PRKAR2B: variants seen among roughly 807,000 people sequenced by gnomAD.
The protein encoded by PRKAR2B is cAMP-dependent protein kinase type II-beta regulatory subunit.
A neutral mutation model predicts 49.9 loss-of-function variants in PRKAR2B; 14 were observed. The observed-to-expected ratio is 0.28, with a 90% confidence interval of 0.19 to 0.44. The LOEUF is 0.44. Ranked by LOEUF, PRKAR2B falls within the 20% of genes least tolerant of loss-of-function variation. PRKAR2B has a pLI of 1.00. For missense variants in PRKAR2B, 393 were observed against 537.9 expected (o/e 0.73, Z 2.67); for synonymous variants, 196 against 197.7 (o/e 0.99, Z 0.07).
At chr7:107,100,190 G>T (rs1794932289) in intron 2 of PRKAR2B, among the ~76,000 whole-genome samples, 1 of 151,966 alleles carries the variant, frequency 6.6e-6, no homozygotes, top group Non-Finnish European at 1.5e-5. Context: ...GCATTTGCTA[G>T]CTGCAAATAC....
At chr7:107,077,880 T>C (rs1028982845) in intron 2 of PRKAR2B, 8 of 152,192 alleles carry the variant, frequency 5.3e-5, no homozygotes, top group African/African-American at 1.9e-4. Context: ...ATGATTGTTG[T>C]AATGAAACAG....
At chr7:107,134,115 G>T (rs753083718) in intron 4 of PRKAR2B, among the ~76,000 whole-genome samples, 1 of 151,864 alleles carries the variant, frequency 6.6e-6, no homozygotes, top group African/African-American at 2.4e-5. Context: ...TGCAACCTCC[G>T]CCTCCTGGGT....
intron 1 of PRKAR2B, among the ~76,000 whole-genome samples, chr7:107,049,057 T>A (rs1793754380): frequency 6.6e-6 from 1 of 152,182 alleles, no homozygotes; most frequent in East Asian, 1.9e-4. Flanking sequence ...TTAGAAGGTT[T>A]ACGGTAGGCT....
rs962735703 is a variant in PRKAR2B, at chr7:107,109,047, C to A, written c.344-12905C>A. On this transcript the variant is annotated intron_variant, in intron 2 of 10. Transcript: ENST00000265717. ...CTATATTTATACCCACTTTTAATTA[C>A]ATGCTAAATAAGGGGTGAGTTATTC... Among the ~76,000 whole-genome samples the A allele has an allele frequency of 7.8e-4, 118 of 152,142 alleles. 1 individual carries two copies. Among genetic ancestry groups the A allele is most frequent in the African/African-American group, 2.7e-3 (113 of 41,412 alleles).
At chr7:107,073,978 C>T (rs985064838) in intron 2 of PRKAR2B, among the ~76,000 whole-genome samples, 6 of 152,096 alleles carry the variant, frequency 3.9e-5, no homozygotes, top group Non-Finnish European at 7.3e-5. Context: ...AGGAGATTCA[C>T]TTGAACCCTG....
intron 3 of PRKAR2B, among the ~76,000 whole-genome samples, chr7:107,127,170 C>T (rs546799428): frequency 1.3e-5 from 2 of 152,318 alleles, no homozygotes; most frequent in South Asian, 4.1e-4. Context: ...AACTCCACTG[C>T]TGCCTGATTC....
chr7:107,107,840 T>C (rs1026786644), intron 2 of PRKAR2B, among the ~76,000 whole-genome samples: 5 of 152,130 alleles, frequency 3.3e-5, no homozygotes, highest in African/African-American at 1.2e-4. Context: ...GTATTCTTAG[T>C]AGAGACGGGG....
intron 1 of PRKAR2B, among the ~76,000 whole-genome samples, chr7:107,059,696 A>G (rs909919688): frequency 6.7e-6 from 1 of 149,558 alleles, no homozygotes; most frequent in African/African-American, 2.5e-5. Context: ...GCTGTAGTGA[A>G]TGTGTGTGTG....
At chr7:107,076,202 C>T (rs1041581449) in intron 2 of PRKAR2B, among the ~76,000 whole-genome samples, 3 of 152,048 alleles carry the variant, frequency 2.0e-5, no homozygotes, top group Admixed American at 6.6e-5. Flanking sequence ...AATACTTCAG[C>T]CTGTATCTCC....
chr7:107,044,799 C>A lies in PRKAR2B; in HGVS notation c.-109C>A. On this transcript the variant is annotated 5_prime_UTR_variant, in exon 1 of 11. Transcript: ENST00000265717. ...GGGGCCCAGTGCGCCGCGCTCGCAGCCGGTAGCGCGCCAGCGCCGTAGGCG... is the reference window on the plus strand; with the variant it reads ...GGGGCCCAGTGCGCCGCGCTCGCAGACGGTAGCGCGCCAGCGCCGTAGGCG... The A allele has an allele frequency of 1.2e-6, 1 of 842,054 alleles. No homozygotes were observed. Among genetic ancestry groups the A allele is most frequent in the Non-Finnish European group, 1.5e-6 (1 of 653,892 alleles). The allele number at this position is 842,054 out of a possible 1,614,324, so 52.2% of individuals were successfully genotyped here.
intron 8 of PRKAR2B, among the ~76,000 whole-genome samples, chr7:107,156,155 T>C (rs930659049): frequency 6.6e-6 from 1 of 152,066 alleles, no homozygotes; most frequent in Non-Finnish European, 1.5e-5. Flanking sequence ...ACCTAATGCA[T>C]GCGGGGCTTA....
intron 1 of PRKAR2B, among the ~76,000 whole-genome samples, chr7:107,066,301 G>GGTGTGTGT (rs3074837): frequency 0.18 from 25,590 of 145,420 alleles, 2,522 homozygotes; most frequent in Admixed American, 0.26. Flanking sequence ...CTCTATGTGG[G>GGTGTGTGT]GTGTGTGTGT....
At position 107,071,782 on chromosome 7, in the gene PRKAR2B, T is replaced by C. The variant is rs374069085; in HGVS notation, c.343+1466T>C. Among the ~76,000 whole-genome samples the C allele has an allele frequency of 1.4e-4, 22 of 152,332 alleles. No individual in the cohort carries two copies. The East Asian group carries it at 2.7e-3, about 19-fold the overall frequency. On this transcript the variant is annotated intron_variant, in intron 2 of 10. Coordinates refer to ENST00000265717, the MANE Select transcript of PRKAR2B (RefSeq NM_002736.3). The stretch of plus-strand genomic sequence containing the variant: ...TATTTGTTGTACATTATACGTATCA[T>C]TGGCTGGGCGAGGTGGCTCACGCCT...
chr7:107,102,039 C>T (rs1794978409), intron 2 of PRKAR2B, among the ~76,000 whole-genome samples: 1 of 151,974 alleles, frequency 6.6e-6, no homozygotes, highest in African/African-American at 2.4e-5. Context: ...GTCTGCTGAT[C>T]AGAACACGAT....
intron 10 of PRKAR2B, among the ~76,000 whole-genome samples, chr7:107,159,203 C>A (rs1305741806): frequency 2.0e-5 from 3 of 152,146 alleles, no homozygotes; most frequent in Non-Finnish European, 2.9e-5. Flanking sequence ...CCAGGAACCT[C>A]CCACCAACTT....
intron 2 of PRKAR2B, among the ~76,000 whole-genome samples, chr7:107,104,032 T>TTTTC (rs1795024316): frequency 6.6e-6 from 1 of 152,148 alleles, no homozygotes; most frequent in Non-Finnish European, 1.5e-5. Context: ...TTTCTTTTTT[T>TTTTC]TTTCTTCTCT....
chr7:107,051,747 A>C lies in PRKAR2B; in HGVS notation c.307+6533A>C, dbSNP rs570149904. 2.2e-4 allele frequency among the ~76,000 whole-genome samples: 33 copies of C among 150,740 alleles called. 2 individuals carry two copies. In the South Asian group the frequency reaches 6.5e-3, roughly 30 times the overall value. ...TGTAGCTTAATATGTTTGGAAACTAAAAAAAAAAGTCTTTCCAGTTGCTGC... is the reference window on the plus strand; with the variant it reads ...TGTAGCTTAATATGTTTGGAAACTACAAAAAAAAGTCTTTCCAGTTGCTGC... On this transcript the variant is annotated intron_variant, in intron 1 of 10. Coordinates refer to ENST00000265717, the MANE Select transcript of PRKAR2B (RefSeq NM_002736.3).
At chr7:107,089,430 T>G (rs529605577) in intron 2 of PRKAR2B, among the ~76,000 whole-genome samples, 2 of 152,334 alleles carry the variant, frequency 1.3e-5, no homozygotes, top group African/African-American at 2.4e-5. Context: ...TAGTAGAGTT[T>G]AGGGACCCTG....
intron 1 of PRKAR2B, among the ~76,000 whole-genome samples, chr7:107,059,716 G>GTGTGTT (rs1258346505): frequency 2.0e-5 from 3 of 151,908 alleles, no homozygotes; most frequent in Non-Finnish European, 2.9e-5. Context: ...GTGTGTGTGT[G>GTGTGTT]TGTATGTGTG....
Sources: gnomAD v4.1 joint callset for allele counts (sites outside exome capture counted in the v4.1 genomes callset) on GRCh38, gnomAD v4.1.1 for gene constraint, MANE v1.5 for transcripts, NCBI Gene and HGNC (gene_info 2026-07-23, HGNC 2026-07-21) for gene names.